NEDD4: variants seen among roughly 807,000 people sequenced by gnomAD.
NEDD4 encodes NEDD4 E3 ubiquitin protein ligase, also known as E3 ubiquitin-protein ligase NEDD4.
Under a neutral mutation model 144.9 loss-of-function variants are expected in NEDD4, and 99 were observed. That is an observed-to-expected ratio of 0.68 (90% CI 0.58 to 0.81). The LOEUF is 0.81. Among genes scored for constraint, NEDD4 ranks in the 30% least tolerant of loss-of-function variants. The pLI is 0.00. For missense variants in NEDD4, 985 were observed against 1,065.9 expected (o/e 0.92, Z 1.06); for synonymous variants, 318 against 350.6 (o/e 0.91, Z 1.04).
At chr15:55,967,440 C>CTCTG (rs371627343) in intron 1 of NEDD4, among the ~76,000 whole-genome samples, 1 of 142,264 alleles carries the variant, frequency 7.0e-6, no homozygotes, top group South Asian at 2.3e-4. Flanking sequence ...CATAACTATG[C>CTCTG]TGTGTGTGTG....
At chr15:55,848,664 C>G (rs528066716) in intron 15 of NEDD4, 89 bp from the exon 16 acceptor site, 1 of 1,284,970 alleles carries the variant, frequency 7.8e-7, no homozygotes, top group Admixed American at 1.8e-5. Flanking sequence ...GTTAATTTAA[C>G]TTGCATATTC....
intron 5 of NEDD4, chr15:55,916,044 T>C (rs1217727367): frequency 6.2e-7 from 1 of 1,613,562 alleles, no homozygotes; most frequent in Non-Finnish European, 8.5e-7. Flanking sequence ...TAAGGAGGAG[T>C]AACGTTTTAG....
At chr15:55,969,743 G>A (rs1382615578) in intron 1 of NEDD4, among the ~76,000 whole-genome samples, 1 of 152,060 alleles carries the variant, frequency 6.6e-6, no homozygotes, top group Non-Finnish European at 1.5e-5. Flanking sequence ...CTTGGGCCTT[G>A]AATAAACATC....
intron 1 of NEDD4, among the ~76,000 whole-genome samples, chr15:55,984,425 G>A (rs2037856724): frequency 6.6e-6 from 1 of 152,186 alleles, no homozygotes; most frequent in African/African-American, 2.4e-5. Flanking sequence ...GATGATTACA[G>A]CTAAAGTATG....
At chr15:55,906,253 A>G (rs1467354362) in intron 5 of NEDD4, among the ~76,000 whole-genome samples, 1 of 152,162 alleles carries the variant, frequency 6.6e-6, no homozygotes, top group Admixed American at 6.5e-5. Context: ...AACTAGAAAT[A>G]CCATTTGACC....
Position 55,993,600 on chromosome 15 carries a change from G to C in NEDD4, c.-45C>G, listed in dbSNP as rs2038026631. On this transcript the variant is annotated 5_prime_UTR_variant, in exon 1 of 29. Transcript: ENST00000435532. ...ACCGGACGCGCTCGCCCCCGCCCAGGGCAGGCAACTGTGGAGGAGGAGGAG... is the reference window on the plus strand; with the variant it reads ...ACCGGACGCGCTCGCCCCCGCCCAGCGCAGGCAACTGTGGAGGAGGAGGAG... 1 of 1,582,846 alleles carries C rather than the reference G, an allele frequency of 6.3e-7. No individual in the cohort carries two copies. The highest frequency in any genetic ancestry group is 2.5e-5 in the East Asian group (1 of 40,614).
At chr15:55,902,564 C>T (rs1356538275) in intron 5 of NEDD4, among the ~76,000 whole-genome samples, 2 of 151,990 alleles carry the variant, frequency 1.3e-5, no homozygotes, top group Non-Finnish European at 2.9e-5. Context: ...TATTTTAGAA[C>T]GGGATGAGGC....
Position 55,829,699 on chromosome 15 carries a change from T to A in NEDD4, c.*198A>T. 6 of 472,158 alleles carry A rather than the reference T, an allele frequency of 1.3e-5. No homozygotes were observed. Among genetic ancestry groups the A allele is most frequent in the East Asian group, 3.8e-5 (1 of 26,600 alleles). The allele number at this position is 472,158 out of a possible 1,614,324, so 29.2% of individuals were successfully genotyped here. ...AACTCTAAAGACAGCATGAAACAACTGTGTAAATGCAACACATTATTTAAA... is the reference window on the plus strand; with the variant it reads ...AACTCTAAAGACAGCATGAAACAACAGTGTAAATGCAACACATTATTTAAA... On this transcript the variant is annotated 3_prime_UTR_variant, in exon 29 of 29. Transcript: ENST00000435532.
chr15:55,942,372 T>C (rs752209528), intron 4 of NEDD4, among the ~76,000 whole-genome samples: 2 of 152,202 alleles, frequency 1.3e-5, no homozygotes, highest in African/African-American at 2.4e-5. Context: ...CAAAATCTCA[T>C]GTCAAATTGT....
chr15:55,835,334 T>C (rs1443341140), intron 24 of NEDD4, among the ~76,000 whole-genome samples: 1 of 152,178 alleles, frequency 6.6e-6, no homozygotes, highest in Admixed American at 6.5e-5. Context: ...ATTAAAACCA[T>C]CTTTTCTATT....
At chr15:55,840,208 A>C (rs1328505722) in intron 21 of NEDD4, among the ~76,000 whole-genome samples, 1 of 151,328 alleles carries the variant, frequency 6.6e-6, no homozygotes, top group African/African-American at 2.4e-5. Flanking sequence ...GTATGTGATA[A>C]AGTAAATCTA....
chr15:55,939,944 G>C (rs2036965581), intron 4 of NEDD4, among the ~76,000 whole-genome samples: 1 of 152,088 alleles, frequency 6.6e-6, no homozygotes, highest in African/African-American at 2.4e-5. Context: ...ATTCACAGTA[G>C]CCAAGATATG....
chr15:55,913,779 A>C (rs185458902), intron 5 of NEDD4, among the ~76,000 whole-genome samples: 2 of 152,194 alleles, frequency 1.3e-5, no homozygotes, highest in African/African-American at 2.4e-5. Flanking sequence ...CATCCACAAC[A>C]AACTATAATT....
At chr15:55,881,939 C>G (rs2035209734) in intron 5 of NEDD4, among the ~76,000 whole-genome samples, 1 of 152,150 alleles carries the variant, frequency 6.6e-6, no homozygotes, top group African/African-American at 2.4e-5. Context: ...TACCCGCCCT[C>G]CAGTTATAAC....
At chr15:55,906,777 A>G (rs1443502038) in intron 5 of NEDD4, among the ~76,000 whole-genome samples, 1 of 152,194 alleles carries the variant, frequency 6.6e-6, no homozygotes, top group Non-Finnish European at 1.5e-5. Context: ...AACTTGAAGT[A>G]TAATTAAAAA....
chr15:55,894,052 G>C (rs2035659052), intron 5 of NEDD4, among the ~76,000 whole-genome samples: 1 of 151,964 alleles, frequency 6.6e-6, no homozygotes, highest in East Asian at 1.9e-4. Context: ...AATTTAATCT[G>C]TGCTATAAAA....
intron 5 of NEDD4, among the ~76,000 whole-genome samples, chr15:55,912,071 T>A (rs1442021927): frequency 6.6e-6 from 1 of 152,230 alleles, no homozygotes; most frequent in African/African-American, 2.4e-5. Flanking sequence ...GAAATATACA[T>A]GTACAAATAT....
At chr15:55,893,393 C>G (rs1455174548) in intron 5 of NEDD4, among the ~76,000 whole-genome samples, 1 of 151,898 alleles carries the variant, frequency 6.6e-6, no homozygotes, top group East Asian at 1.9e-4. Flanking sequence ...ATTAATCATA[C>G]TATTTAAATT....
chr15:55,890,242 A>G (rs2035524101), intron 5 of NEDD4, among the ~76,000 whole-genome samples: 1 of 152,228 alleles, frequency 6.6e-6, no homozygotes, highest in Non-Finnish European at 1.5e-5. Flanking sequence ...CTTAGAGTGT[A>G]CAATTCAATG....
Sources: gnomAD v4.1 joint callset for allele counts (sites outside exome capture counted in the v4.1 genomes callset) on GRCh38, gnomAD v4.1.1 for gene constraint, MANE v1.5 for transcripts, NCBI Gene and HGNC (gene_info 2026-07-23, HGNC 2026-07-21) for gene names.